BMI1: variants seen among roughly 807,000 people sequenced by gnomAD.
The protein encoded by BMI1 is polycomb complex protein BMI-1.
A neutral mutation model predicts 39.1 loss-of-function variants in BMI1; 9 were observed. The observed-to-expected ratio is 0.23, with a 90% CI of 0.14 to 0.40. The LOEUF is 0.40. Among genes scored for constraint, BMI1 ranks in the 10% least tolerant of loss-of-function variants. The probability of loss-of-function intolerance (pLI) is 1.00; values close to 1 mark genes in which losing one functional copy is unlikely to be tolerated. For missense variants in BMI1, 252 were observed against 390.8 expected (o/e 0.64, Z 2.99); for synonymous variants, 131 against 127.9 (o/e 1.02, Z -0.16).
intron 6 of BMI1, 33 bp downstream of exon 6, chr10:22,328,091 T>G (rs767962686): frequency 9.4e-6 from 15 of 1,594,736 alleles, no homozygotes; most frequent in African/African-American, 1.4e-5. Context: ...TTTATGCTAA[T>G]GTTTTATTAG....
At chr10:22,323,846 G>A (rs1366787152) in intron 1 of BMI1, among the ~76,000 whole-genome samples, 2 of 152,168 alleles carry the variant, frequency 1.3e-5, no homozygotes. Flanking sequence ...GGAAGAGATT[G>A]TTTCTCAAAT....
At chr10:22,322,451 C>T (rs766454206) in intron 1 of BMI1, among the ~76,000 whole-genome samples, 8 of 152,160 alleles carry the variant, frequency 5.3e-5, no homozygotes, top group Non-Finnish European at 7.4e-5. Context: ...CCAAGGTCTC[C>T]TGCATTTGTG....
chr10:22,327,568 T>G (rs1418113249), intron 3 of BMI1, 27 bp from the exon 4 acceptor site: 1 of 1,570,732 alleles, frequency 6.4e-7, no homozygotes, highest in South Asian at 1.2e-5. Context: ...TCTGAATTCA[T>G]AGTTTTCTAT....
At chr10:22,326,082 T>TA (rs1269833178) in intron 1 of BMI1, 1 of 173,462 alleles carries the variant, frequency 5.8e-6, no homozygotes, top group East Asian at 1.7e-4. Flanking sequence ...GGTTGGTAAA[T>TA]ATCCGCGGGG....
In BMI1 at chr10:22,329,941, T is replaced by G. The variant is rs116670687; in HGVS notation, c.*399T>G. ...TTGTTATTACGCTGTTTTGTGAACC[T>G]GTAGAAAACAAGTGCTTTTTATCTT... On this transcript the variant is annotated 3_prime_UTR_variant, in exon 10 of 10. Coordinates refer to ENST00000376663, the MANE Select transcript of BMI1 (RefSeq NM_005180.9). 1,740 of 168,608 alleles carry G rather than the reference T, an allele frequency of 0.01. 28 individuals carry two copies. Among genetic ancestry groups the G allele is most frequent in the African/African-American group, 0.038 (1,600 of 41,862 alleles). 10.4% of individuals were successfully genotyped at this position (168,608 alleles called of 1,614,324 possible).
intron 3 of BMI1, 61 bp downstream of exon 3, chr10:22,327,047 G>T: frequency 6.4e-7 from 1 of 1,557,966 alleles, no homozygotes; most frequent in South Asian, 1.1e-5. Flanking sequence ...ATTTACTGAA[G>T]GCAACCCTCT....
In BMI1 at chr10:22,329,379, C is replaced by T. The variant is rs778305888; in HGVS notation, c.818C>T (p.Pro273Leu). The change falls in exon 10 of 10, where the codon CCT becomes CTT. Residue 273 changes from proline (P) to leucine (L), a missense_variant. Pro to Leu is a moderately conservative substitution (Grantham distance 98, BLOSUM62 -3). Around this residue, in one of 4 missense-constraint regions of BMI1, gnomAD observed 96 missense variants for 120.2 expected, o/e 0.80. Coordinates refer to ENST00000376663, the MANE Select transcript of BMI1 (RefSeq NM_005180.9). ...ATTCCCTCCACCTCTTCTTGTTTGC[C>T]TAGCCCCAGTACTCCAGTGCAGTCT... The part of the protein sequence containing the change: ...GGIPSTSSCL[P>L]SPSTPVQSPH... The T allele has an allele frequency of 1.2e-6, 2 of 1,614,152 alleles. No homozygotes were observed. Among genetic ancestry groups the T allele is most frequent in the Non-Finnish European group, 1.7e-6 (2 of 1,180,018 alleles).
rs1836198604 is a variant in BMI1, at chr10:22,328,067, T to C, written c.425+9T>C. On this transcript the variant is annotated intron_variant, in intron 6 of 9. Coordinates refer to ENST00000376663, the MANE Select transcript of BMI1 (RefSeq NM_005180.9). Reference sequence around the variant, plus strand: ...TTCTTTGACCAGAACAGGTAAAATCTTTAGGCAATTTATTTTATGCTAATG... The same window carrying C: ...TTCTTTGACCAGAACAGGTAAAATCCTTAGGCAATTTATTTTATGCTAATG... 6.3e-7 allele frequency: 1 copy of C among 1,596,140 alleles called. No homozygotes were observed. The highest frequency in any genetic ancestry group is 8.5e-7 in the Non-Finnish European group (1 of 1,174,984).
At chr10:22,323,163 C>G (rs1171564439) in intron 1 of BMI1, among the ~76,000 whole-genome samples, 1 of 152,126 alleles carries the variant, frequency 6.6e-6, no homozygotes, top group African/African-American at 2.4e-5. Flanking sequence ...TTTAAGGATG[C>G]AAATTATTGA....
At chr10:22,324,077 T>TTAAA (rs1368481120) in intron 1 of BMI1, among the ~76,000 whole-genome samples, 1 of 152,238 alleles carries the variant, frequency 6.6e-6, no homozygotes, top group Non-Finnish European at 1.5e-5. Flanking sequence ...TACATGTGAC[T>TTAAA]TAAATGCTCA....
rs1229831222 is a variant in BMI1 at position 22,327,653 on chromosome 10, G to GAGT, written c.265+5_265+7dup. On this transcript the variant is annotated splice_donor_region_variant and intron_variant, in intron 4 of 9. Coordinates refer to ENST00000376663, the MANE Select transcript of BMI1 (RefSeq NM_005180.9). ...ATTAGTTCCAGGGCTTTTCAAAAGT[G>GAGT]AGTAACTTGCTTAGAAAATGAATTT... 1 of 1,613,036 alleles carries GAGT rather than the reference G, an allele frequency of 6.2e-7. No homozygotes were observed. Among genetic ancestry groups the GAGT allele is most frequent in the East Asian group, 2.2e-5 (1 of 44,754 alleles).
chr10:22,323,021 G>T (rs1017106727), intron 1 of BMI1, among the ~76,000 whole-genome samples: 10 of 152,166 alleles, frequency 6.6e-5, no homozygotes, highest in African/African-American at 2.4e-4. Flanking sequence ...GCAAAATTCC[G>T]AGCATATTTA....
chr10:22,323,576 A>G (rs568175726), intron 1 of BMI1, among the ~76,000 whole-genome samples: 7 of 152,322 alleles, frequency 4.6e-5, no homozygotes, highest in East Asian at 1.9e-4. Flanking sequence ...GTGAACCCCA[A>G]CTGGGGCTAT....
chr10:22,325,633 GCCCGCCCGCCCGCCGC>G (rs1169111483), intron 1 of BMI1: 4 of 119,478 alleles, frequency 3.3e-5, no homozygotes, highest in African/African-American at 9.1e-5. Context: ...TCCCCCGCCC[GCCCGCCCGCCCGCCGC>G]CCCGCACGCC....
At chr10:22,325,683 G>C (rs953824492) in intron 1 of BMI1, 1 of 149,418 alleles carries the variant, frequency 6.7e-6, no homozygotes, top group Non-Finnish European at 1.5e-5. Context: ...GGCTCGGGCC[G>C]GGCTCCGCGC....
chr10:22,327,149 G>A (rs1293593016), intron 3 of BMI1, among the ~76,000 whole-genome samples, 163 bp downstream of exon 3: 1 of 152,104 alleles, frequency 6.6e-6, no homozygotes, highest in South Asian at 2.1e-4. Flanking sequence ...CCATATTAAT[G>A]GTGACCAAGT....
At chr10:22,322,996 C>CTT (rs1386848960) in intron 1 of BMI1, among the ~76,000 whole-genome samples, 2 of 152,168 alleles carry the variant, frequency 1.3e-5, no homozygotes, top group African/African-American at 4.8e-5. Context: ...GTATTAACCC[C>CTT]TTCCCTTAAT....
In BMI1 at chr10:22,327,119, G is replaced by A. The variant is rs886202353; in HGVS notation, c.209+133G>A. The stretch of plus-strand genomic sequence containing the variant: ...ACTAATATGTGTGTGCTTTGTGGAG[G>A]GTAGCCGTTTAATTTCTTGCCATAT... On this transcript the variant is annotated intron_variant, in intron 3 of 9. Transcript: ENST00000376663. 3.9e-4 allele frequency: 395 copies of A among 1,016,010 alleles called. 3 individuals carry two copies. The highest frequency in any genetic ancestry group is 2.6e-3 in the South Asian group (150 of 58,398). The allele number at this position is 1,016,010 out of a possible 1,614,324, so 62.9% of individuals were successfully genotyped here. A position where few individuals can be genotyped will look rare whatever the true frequency, so the allele number is the denominator to read the frequency against.
In BMI1 at chr10:22,330,190, C is replaced by G. The variant is rs756560003; in HGVS notation, c.*648C>G. ...ATTTTACTGACTTGTTTAAATGATT[C>G]GCTTTTGTAAGAATCAGATGGCATT... On this transcript the variant is annotated 3_prime_UTR_variant, in exon 10 of 10. Coordinates refer to ENST00000376663, the MANE Select transcript of BMI1 (RefSeq NM_005180.9). 2 of 152,780 alleles carry G rather than the reference C, an allele frequency of 1.3e-5. No individual in the cohort carries two copies. The highest frequency in any genetic ancestry group is 2.1e-4 in the South Asian group (1 of 4,842). 9.5% of individuals were successfully genotyped at this position (152,780 alleles called of 1,614,324 possible). A position where few individuals can be genotyped will look rare whatever the true frequency, so the allele number is the denominator to read the frequency against.
Sources: allele counts gnomAD v4.1 joint callset (sites outside exome capture counted in the v4.1 genomes callset), GRCh38; gene constraint gnomAD v4.1.1; regional missense constraint gnomAD v4.1.1; transcripts MANE v1.5; gene names NCBI Gene and HGNC (gene_info 2026-07-23, HGNC 2026-07-21).